Variants in BICC1 observed in about 807,000 individuals in gnomAD.
The protein encoded by BICC1 is BicC family RNA binding protein 1.
Under a neutral mutation model 111.0 loss-of-function variants are expected in BICC1, and 43 were observed. The ratio of observed to expected loss-of-function variants is 0.39; its 90% CI spans 0.30 to 0.50. BICC1 has a LOEUF of 0.50. BICC1 is among the 20% of genes least tolerant of loss of function. BICC1 has a pLI of 0.88. For synonymous variants in BICC1, 467 were observed against 434.4 expected (o/e 1.07, Z -0.93); for missense variants, 1,091 against 1,203.2 (o/e 0.91, Z 1.38).
At chr10:58,598,905 C>G (rs897253782) in intron 1 of BICC1, among the ~76,000 whole-genome samples, 14 of 152,156 alleles carry the variant, frequency 9.2e-5, no homozygotes, top group Admixed American at 8.5e-4. Context: ...TGAAAAAATG[C>G]TCATCATTAC....
chr10:58,772,434 T>G (rs1842644359), intron 3 of BICC1, among the ~76,000 whole-genome samples: 1 of 152,206 alleles, frequency 6.6e-6, no homozygotes, highest in Non-Finnish European at 1.5e-5. Flanking sequence ...GTCCTATTGA[T>G]TAGCATTCAC....
At chr10:58,653,587 T>G (rs1838520841) in intron 2 of BICC1, among the ~76,000 whole-genome samples, 1 of 152,178 alleles carries the variant, frequency 6.6e-6, no homozygotes, top group South Asian at 2.1e-4. Context: ...CATGGAAAAC[T>G]GCTGAAGTGT....
chr10:58,523,637 C>G (rs1842452741), intron 1 of BICC1, among the ~76,000 whole-genome samples: 1 of 152,128 alleles, frequency 6.6e-6, no homozygotes, highest in South Asian at 2.1e-4. Context: ...CCTTTGAAAA[C>G]TGGCACAAGA....
intron 1 of BICC1, among the ~76,000 whole-genome samples, chr10:58,604,344 T>C (rs892959813): frequency 2.0e-5 from 3 of 152,100 alleles, no homozygotes; most frequent in Non-Finnish European, 4.4e-5. Context: ...AAAAATAAAA[T>C]GTAAATATAA....
At chr10:58,586,506 C>T (rs1024244291) in intron 1 of BICC1, among the ~76,000 whole-genome samples, 10 of 148,770 alleles carry the variant, frequency 6.7e-5, no homozygotes, top group Non-Finnish European at 1.5e-5. Flanking sequence ...GTGGCTGAGG[C>T]ACGAGAATCA....
intron 3 of BICC1, among the ~76,000 whole-genome samples, chr10:58,720,247 G>C (rs1222491945): frequency 6.6e-6 from 1 of 152,064 alleles, no homozygotes; most frequent in Non-Finnish European, 1.5e-5. Context: ...AGTTACTTTG[G>C]TGTACTCTTT....
At chr10:58,543,722 A>G (rs1046343450) in intron 1 of BICC1, among the ~76,000 whole-genome samples, 1 of 150,766 alleles carries the variant, frequency 6.6e-6, no homozygotes, top group Non-Finnish European at 1.5e-5. Context: ...TGCCCAGGCT[A>G]GTGTTGAACT....
At chr10:58,775,186 A>C (rs370606860) in intron 3 of BICC1, among the ~76,000 whole-genome samples, 134 of 152,216 alleles carry the variant, frequency 8.8e-4, no homozygotes, top group African/African-American at 3.1e-3. Flanking sequence ...CAGCCTGGCC[A>C]ACATGGAGAA....
chr10:58,718,763 TGTGCGC>T (rs942532364), intron 3 of BICC1, among the ~76,000 whole-genome samples: 20 of 149,756 alleles, frequency 1.3e-4, no homozygotes, highest in African/African-American at 4.7e-4. Flanking sequence ...TGTGTGTGTG[TGTGCGC>T]GCGCGCGTGC....
intron 3 of BICC1, among the ~76,000 whole-genome samples, chr10:58,724,731 AC>A (rs1447729711): frequency 1.3e-5 from 2 of 152,166 alleles, no homozygotes; most frequent in African/African-American, 4.8e-5. Flanking sequence ...CAAGATGGGG[AC>A]ACTGGCTTAC....
intron 1 of BICC1, among the ~76,000 whole-genome samples, chr10:58,611,113 C>T (rs968766759): frequency 1.3e-5 from 2 of 152,174 alleles, no homozygotes; most frequent in African/African-American, 4.8e-5. Flanking sequence ...GCCTTATACA[C>T]TGTGGGCTGA....
chr10:58,692,717 A>G (rs1839947262), intron 2 of BICC1, among the ~76,000 whole-genome samples: 1 of 152,076 alleles, frequency 6.6e-6, no homozygotes, highest in Non-Finnish European at 1.5e-5. Flanking sequence ...TGTCATACTC[A>G]GGAGTCTGGA....
At chr10:58,590,500 G>T (rs1452055908) in intron 1 of BICC1, among the ~76,000 whole-genome samples, 1 of 152,182 alleles carries the variant, frequency 6.6e-6, no homozygotes, top group African/African-American at 2.4e-5. Context: ...GGTGCTTTCA[G>T]TTCCAGTTAG....
intron 1 of BICC1, among the ~76,000 whole-genome samples, chr10:58,604,831 A>T (rs1298568172): frequency 2.0e-5 from 3 of 152,152 alleles, no homozygotes; most frequent in African/African-American, 7.2e-5. Context: ...TATTTCTCAC[A>T]GTTCTGGAGA....
chr10:58,693,470 C>A (rs567569107), intron 2 of BICC1, among the ~76,000 whole-genome samples: 1 of 152,296 alleles, frequency 6.6e-6, no homozygotes, highest in South Asian at 2.1e-4. Context: ...AGTTTACAGT[C>A]CCACCAACAG....
At chr10:58,722,591 T>C (rs1349381841) in intron 3 of BICC1, among the ~76,000 whole-genome samples, 2 of 152,204 alleles carry the variant, frequency 1.3e-5, no homozygotes, top group Non-Finnish European at 2.9e-5. Context: ...GCAAACCTCA[T>C]ATACAGGAAA....
intron 1 of BICC1, among the ~76,000 whole-genome samples, chr10:58,584,127 G>T (rs1163221988): frequency 6.6e-6 from 1 of 151,078 alleles, no homozygotes; most frequent in Non-Finnish European, 1.5e-5. Flanking sequence ...TCTCACCTGC[G>T]CTATGTTGAC....
In BICC1 at chr10:58,687,681, A is replaced by G. The variant is rs150398251; in HGVS notation, c.238-14393A>G. Among the ~76,000 whole-genome samples the G allele has an allele frequency of 4.2e-3, 642 of 152,310 alleles. 13 individuals are homozygous for G. The highest frequency in any genetic ancestry group is 0.015 in the African/African-American group (609 of 41,570). On this transcript the variant is annotated intron_variant, in intron 2 of 20. Transcript: ENST00000373886. The stretch of plus-strand genomic sequence containing the variant: ...GGATCTTCCAAGCCTGGCACGGGAT[A>G]TAATCTCTTGGTGTGCCATTTGCTA...
intron 2 of BICC1, among the ~76,000 whole-genome samples, chr10:58,630,386 A>T (rs1176014880): frequency 6.6e-6 from 1 of 152,150 alleles, no homozygotes; most frequent in Non-Finnish European, 1.5e-5. Flanking sequence ...TCCTACTTGG[A>T]GTTGGCACAG....
Sources: gnomAD v4.1 joint callset for allele counts (sites outside exome capture counted in the v4.1 genomes callset) on GRCh38, gnomAD v4.1.1 for gene constraint, MANE v1.5 for transcripts, NCBI Gene and HGNC (gene_info 2026-07-23, HGNC 2026-07-21) for gene names.